CLSTN2: variants seen among roughly 807,000 people sequenced by gnomAD.
CLSTN2 encodes calsyntenin 2, also known as calsyntenin-2.
Under a neutral mutation model 101.2 loss-of-function variants are expected in CLSTN2, and 48 were observed. That is an observed-to-expected ratio of 0.47 (90% confidence interval 0.38 to 0.60). The LOEUF (loss-of-function observed/expected upper bound fraction) is 0.60. Ranked by LOEUF, CLSTN2 falls within the 20% of genes least tolerant of loss-of-function variation. The probability of loss-of-function intolerance (pLI) is 0.00; values close to 1 mark genes in which losing one functional copy is unlikely to be tolerated. For missense variants in CLSTN2, 1,160 were observed against 1,238.2 expected (o/e 0.94, Z 0.95); for synonymous variants, 481 against 463.6 (o/e 1.04, Z -0.48).
chr3:140,015,940 T>C (rs1483287154), intron 1 of CLSTN2, among the ~76,000 whole-genome samples: 2 of 152,246 alleles, frequency 1.3e-5, no homozygotes, highest in Non-Finnish European at 1.5e-5. Context: ...TTGGCCAGTA[T>C]CTGCCCTAGG....
rs1165539310 is a variant in CLSTN2 at position 140,405,885 on chromosome 3, A to G, written c.637+1119A>G. Among the ~76,000 whole-genome samples the G allele has an allele frequency of 3.9e-5, 6 of 152,350 alleles. No individual in the cohort carries two copies. The East Asian group carries it at 5.8e-4, about 15-fold the overall frequency. On this transcript the variant is annotated intron_variant, in intron 4 of 16. Coordinates refer to ENST00000458420, the MANE Select transcript of CLSTN2 (RefSeq NM_022131.3). ...GTTTCCAATAAGATTTAAGTAGCAC[A>G]CAAAGATGCAAAAGTTGCAAAATTC...
At chr3:140,383,466 CTGAT>C (rs1158230734) in intron 2 of CLSTN2, among the ~76,000 whole-genome samples, 1 of 152,204 alleles carries the variant, frequency 6.6e-6, no homozygotes, top group East Asian at 1.9e-4. Context: ...TGCCAAACAG[CTGAT>C]AAATTTGTGC....
chr3:140,400,314 A>G (rs552647436), intron 2 of CLSTN2, among the ~76,000 whole-genome samples: 2 of 152,338 alleles, frequency 1.3e-5, no homozygotes, highest in South Asian at 4.1e-4. Context: ...GACGTGGTGG[A>G]CATGCGTATT....
chr3:140,276,967 A>G (rs1209769547), intron 2 of CLSTN2, among the ~76,000 whole-genome samples: 6 of 152,278 alleles, frequency 3.9e-5, no homozygotes, highest in Middle Eastern at 6.8e-3. Context: ...ATACACAGGA[A>G]CAGTCCATAC....
At chr3:140,270,884 C>A (rs2107889669) in intron 2 of CLSTN2, among the ~76,000 whole-genome samples, 1 of 152,266 alleles carries the variant, frequency 6.6e-6, no homozygotes, top group South Asian at 2.1e-4. Flanking sequence ...ACTTGCAGCT[C>A]CCTCCCTATC....
At chr3:140,499,085 G>A (rs1436133396) in intron 8 of CLSTN2, among the ~76,000 whole-genome samples, 4 of 151,764 alleles carry the variant, frequency 2.6e-5, no homozygotes, top group Non-Finnish European at 4.4e-5. Context: ...ATCTTCACAC[G>A]ACTCAACTAT....
At chr3:139,969,884 C>T (rs1479395928) in intron 1 of CLSTN2, among the ~76,000 whole-genome samples, 1 of 152,152 alleles carries the variant, frequency 6.6e-6, no homozygotes, top group Non-Finnish European at 1.5e-5. Context: ...CCCTGTGACA[C>T]CCTAGACTGT....
intron 2 of CLSTN2, among the ~76,000 whole-genome samples, chr3:140,242,057 G>A (rs1340231775): frequency 3.9e-5 from 6 of 151,962 alleles, no homozygotes; most frequent in East Asian, 3.9e-4. Context: ...AGAGGCGCCC[G>A]CCACCATGCC....
intron 8 of CLSTN2, chr3:140,507,744 T>A (rs553423672): frequency 6.6e-6 from 1 of 152,282 alleles, no homozygotes; most frequent in East Asian, 1.9e-4. Flanking sequence ...TACGTGAGTG[T>A]TTAATTTTCT....
At chr3:140,333,195 C>T (rs2087404793) in intron 2 of CLSTN2, among the ~76,000 whole-genome samples, 1 of 152,190 alleles carries the variant, frequency 6.6e-6, no homozygotes, top group Non-Finnish European at 1.5e-5. Context: ...GTTGCCAAGG[C>T]ATATCAGCAT....
chr3:140,150,343 C>G (rs2009843673), intron 1 of CLSTN2, among the ~76,000 whole-genome samples: 4 of 152,160 alleles, frequency 2.6e-5, no homozygotes, highest in Admixed American at 6.5e-5. Context: ...CTCACCAAGT[C>G]TCAGTTTCTC....
At chr3:140,044,646 G>A (rs1357258602) in intron 1 of CLSTN2, among the ~76,000 whole-genome samples, 1 of 152,052 alleles carries the variant, frequency 6.6e-6, no homozygotes, top group East Asian at 1.9e-4. Context: ...TGCCCATTCA[G>A]TATGATATTG....
intron 2 of CLSTN2, among the ~76,000 whole-genome samples, chr3:140,244,100 G>A (rs531481745): frequency 7.2e-5 from 11 of 152,310 alleles, no homozygotes; most frequent in South Asian, 2.1e-4. Context: ...GGGAAGAAGC[G>A]CTTGCATCTG....
chr3:139,998,336 CTTTTTTTTT>C lies in CLSTN2; in HGVS notation c.109+62865_109+62873del, dbSNP rs60541490. ...ATGGGATAATAGTTCCCCCACATGC[CTTTTTTTTT>C]TTTTTTTTTTTGTGACGGAGTCTCT... On this transcript the variant is annotated intron_variant, in intron 1 of 16. Transcript: ENST00000458420. Among the ~76,000 whole-genome samples, 201 of 66,812 alleles carry C rather than the reference CTTTTTTTTT, an allele frequency of 3.0e-3. 9 individuals carry two copies. In the East Asian group the frequency reaches 0.093, roughly 31 times the overall value. 43.8% of individuals were successfully genotyped at this position (66,812 alleles called of 152,430 possible). A position where few individuals can be genotyped will look rare whatever the true frequency, so the allele number is the denominator to read the frequency against.
At chr3:140,348,832 T>C (rs1228494437) in intron 2 of CLSTN2, among the ~76,000 whole-genome samples, 1 of 152,188 alleles carries the variant, frequency 6.6e-6, no homozygotes, top group Non-Finnish European at 1.5e-5. Context: ...CACAAACACA[T>C]GCACAGAGAT....
chr3:140,168,620 A>G lies in CLSTN2; in HGVS notation c.110-7331A>G, dbSNP rs1486397930. On this transcript the variant is annotated intron_variant, in intron 1 of 16. Transcript: ENST00000458420. ...TGATATGCTTTATTTTAAAGGTTTTATAATTTTGACTTCTACATTCAGGAC... is the reference window on the plus strand; with the variant it reads ...TGATATGCTTTATTTTAAAGGTTTTGTAATTTTGACTTCTACATTCAGGAC... Among the ~76,000 whole-genome samples, 18 of 152,198 alleles carry G rather than the reference A, an allele frequency of 1.2e-4. No individual in the cohort carries two copies. In the East Asian group the frequency reaches 2.9e-3, roughly 25 times the overall value.
At chr3:140,064,943 G>A (rs1323029241) in intron 1 of CLSTN2, among the ~76,000 whole-genome samples, 4 of 152,148 alleles carry the variant, frequency 2.6e-5, no homozygotes, top group Admixed American at 2.0e-4. Context: ...CAAATTACAA[G>A]AAGATAATAC....
chr3:140,427,168 T>A, intron 5 of CLSTN2, among the ~76,000 whole-genome samples: 1 of 84,642 alleles, frequency 1.2e-5, no homozygotes, highest in East Asian at 7.2e-4. Flanking sequence ...AGAGTGAGAC[T>A]GTCTCAAAAA....
intron 1 of CLSTN2, among the ~76,000 whole-genome samples, chr3:140,101,871 C>T (rs2008971692): frequency 1.3e-5 from 2 of 152,168 alleles, no homozygotes; most frequent in Admixed American, 1.3e-4. Context: ...TGCTCATGGT[C>T]CGCTGGCCAG....
Sources: allele counts gnomAD v4.1 joint callset (sites outside exome capture counted in the v4.1 genomes callset), GRCh38; gene constraint gnomAD v4.1.1; transcripts MANE v1.5; gene names NCBI Gene and HGNC (gene_info 2026-07-23, HGNC 2026-07-21).